Variants in ZC2HC1B observed in about 807,000 individuals in gnomAD.
The protein encoded by ZC2HC1B is zinc finger C2HC-type containing 1B.
ZC2HC1B carries 36 observed loss-of-function variants against 31.0 expected under a neutral mutation model. That is an observed-to-expected ratio of 1.16 (90% CI 0.89 to 1.54). ZC2HC1B has a LOEUF of 1.54. Among genes scored for constraint, ZC2HC1B ranks in the 40% most tolerant of loss-of-function variants. The probability of loss-of-function intolerance (pLI) is 0.00; values close to 1 mark genes in which losing one functional copy is unlikely to be tolerated. For synonymous variants in ZC2HC1B, 73 were observed against 88.0 expected (o/e 0.83, Z 0.95); for missense variants, 260 against 268.6 (o/e 0.97, Z 0.22).
chr6:143,877,966 A>G (rs1777426858), intron 1 of ZC2HC1B, among the ~76,000 whole-genome samples: 1 of 150,874 alleles, frequency 6.6e-6, no homozygotes, highest in Non-Finnish European at 1.5e-5. Flanking sequence ...TATTCATGAA[A>G]TTAATCACTA....
In ZC2HC1B at chr6:143,887,903, A is replaced by G. The variant is rs1465309787; in HGVS notation, c.349+1082A>G. Among the ~76,000 whole-genome samples the G allele has an allele frequency of 1.3e-5, 2 of 152,068 alleles. No homozygotes were observed. The highest frequency in any genetic ancestry group is 2.4e-5 in the African/African-American group (1 of 41,442). On this transcript the variant is annotated intron_variant, in intron 4 of 7. Coordinates refer to ENST00000237275, the MANE Select transcript of ZC2HC1B (RefSeq NM_001013623.3). The surrounding 1 kb of genome is among the most constrained non-coding windows in gnomAD (Gnocchi z 5.1). ...CTCTTGATAATAGCCTTTAATACAC[A>G]AAAGTTTTTCATTTTGATGATGTCC... is the stretch of plus-strand genomic sequence containing the variant.
rs367757140 is a variant in ZC2HC1B, at chr6:143,921,938, TAAAAA to T, written c.599-15707_599-15703del. Among the ~76,000 whole-genome samples the T allele has an allele frequency of 1.6e-3, 244 of 152,018 alleles. 2 individuals are homozygous for T. The highest frequency in any genetic ancestry group is 5.8e-3 in the African/African-American group (240 of 41,438). ...GGTGACAAAGTAAGTCCTTTTCTCT[TAAAAA>T]AAATAAAAATAAAGTTGCTAGGGTT... On this transcript the variant is annotated intron_variant, in intron 6 of 7. Coordinates refer to ENST00000237275, the MANE Select transcript of ZC2HC1B (RefSeq NM_001013623.3). This position sits in a 1 kb window ranked among gnomAD's most constrained non-coding sequence, Gnocchi z 6.1.
intron 6 of ZC2HC1B, among the ~76,000 whole-genome samples, chr6:143,925,087 T>A (rs1778018992): frequency 6.6e-6 from 1 of 152,006 alleles, no homozygotes; most frequent in Non-Finnish European, 1.5e-5. Context: ...ACAAGTTTGA[T>A]AGCATTTGGA....
In ZC2HC1B at chr6:143,911,113, T is replaced by C. The variant is rs1777850528; in HGVS notation, c.598+7961T>C. On this transcript the variant is annotated intron_variant, in intron 6 of 7. Coordinates refer to ENST00000237275, the MANE Select transcript of ZC2HC1B (RefSeq NM_001013623.3). This position sits in a 1 kb window ranked among gnomAD's most constrained non-coding sequence, Gnocchi z 4.5. ...GGATTGCAACCCCTGCTTTTTTCAA[T>C]ATTTTCCATTTGCTTGGTAAATTTT... 2.6e-5 allele frequency among the ~76,000 whole-genome samples: 4 copies of C among 152,340 alleles called. No individual in the cohort carries two copies. The South Asian group carries it at 8.3e-4, about 32-fold the overall frequency.
chr6:143,937,656 T>C lies in ZC2HC1B; in HGVS notation c.606T>C (p.Ala202=), dbSNP rs1778194299. 4 of 1,551,044 alleles carry C rather than the reference T, an allele frequency of 2.6e-6. No individual in the cohort carries two copies. In the East Asian group the frequency reaches 9.8e-5, roughly 38 times the overall value. The change falls in exon 7 of 8, where the codon GCT becomes GCC. Residue 202 remains alanine (A), a synonymous_variant. Coordinates refer to ENST00000237275, the MANE Select transcript of ZC2HC1B (RefSeq NM_001013623.3). ...TNEVPTKSGL[A]MDPASGAKLR... ...CTGTTTATGTTTGCAAAGGATTAGC[T>C]ATGGACCCTGCTTCTGGAGCAAAAC...
intron 1 of ZC2HC1B, among the ~76,000 whole-genome samples, chr6:143,878,677 T>A (rs1010513615): frequency 2.9e-5 from 4 of 137,218 alleles, no homozygotes; most frequent in Admixed American, 6.9e-5. Flanking sequence ...AACAGAAACA[T>A]GCATAAAACA....
chr6:143,929,688 G>C (rs1213827218), intron 6 of ZC2HC1B, among the ~76,000 whole-genome samples: 2 of 152,128 alleles, frequency 1.3e-5, no homozygotes, highest in East Asian at 1.9e-4. Context: ...CTGTGAATCT[G>C]TCTGCTCCTG....
chr6:143,927,120 C>T (rs966130683), intron 6 of ZC2HC1B, among the ~76,000 whole-genome samples: 1 of 151,804 alleles, frequency 6.6e-6, no homozygotes, highest in Non-Finnish European at 1.5e-5. Flanking sequence ...TCTTACCGAA[C>T]GAATCCCTTT....
chr6:143,929,316 T>G (rs1461233636), intron 6 of ZC2HC1B, among the ~76,000 whole-genome samples: 4 of 152,232 alleles, frequency 2.6e-5, no homozygotes, highest in African/African-American at 9.6e-5. Flanking sequence ...TATCAAATGC[T>G]TTTTCTAATC....
rs947806625 is a variant in ZC2HC1B, at chr6:143,921,523, A to T, written c.599-16126A>T. On this transcript the variant is annotated intron_variant, in intron 6 of 7. Transcript: ENST00000237275. The surrounding 1 kb of genome is among the most constrained non-coding windows in gnomAD (Gnocchi z 6.1). ...TCTATCATTTCACACTCAAATTATTATCATAGAATAGAATTATCATGTTAA... is the reference window on the plus strand; with the variant it reads ...TCTATCATTTCACACTCAAATTATTTTCATAGAATAGAATTATCATGTTAA... Among the ~76,000 whole-genome samples the T allele has an allele frequency of 3.3e-5, 5 of 152,252 alleles. No individual in the cohort carries two copies. Among genetic ancestry groups the T allele is most frequent in the African/African-American group, 4.8e-5 (2 of 41,470 alleles).
intron 6 of ZC2HC1B, among the ~76,000 whole-genome samples, chr6:143,929,520 A>G (rs1237235391): frequency 6.6e-6 from 1 of 152,100 alleles, no homozygotes; most frequent in Admixed American, 6.5e-5. Context: ...TGTTCATGAA[A>G]GGTATTAGTC....
At chr6:143,888,336 G>T (rs1249438970) in intron 4 of ZC2HC1B, among the ~76,000 whole-genome samples, 1 of 152,000 alleles carries the variant, frequency 6.6e-6, no homozygotes, top group East Asian at 1.9e-4. Context: ...CAGGAAGTTT[G>T]AGTTCTGCAA....
Position 143,903,833 on chromosome 6 carries a change from A to G in ZC2HC1B, c.598+681A>G, listed in dbSNP as rs1046988695. On this transcript the variant is annotated intron_variant, in intron 6 of 7. Coordinates refer to ENST00000237275, the MANE Select transcript of ZC2HC1B (RefSeq NM_001013623.3). The surrounding 1 kb of genome is among the most constrained non-coding windows in gnomAD (Gnocchi z 4.3). ...TAATACCTAAGGCAATGTAAATGCT[A>G]TGTAAGTAGTTGTTATGCTATATTA... 6.6e-6 allele frequency among the ~76,000 whole-genome samples: 1 copy of G among 152,244 alleles called. No homozygotes were observed. Among genetic ancestry groups the G allele is most frequent in the Non-Finnish European group, 1.5e-5 (1 of 68,046 alleles).
rs967831115 is a variant in ZC2HC1B, at chr6:143,923,030, C to G, written c.599-14619C>G. Among the ~76,000 whole-genome samples the G allele has an allele frequency of 6.6e-6, 1 of 152,074 alleles. No homozygotes were observed. The highest frequency in any genetic ancestry group is 2.4e-5 in the African/African-American group (1 of 41,436). On this transcript the variant is annotated intron_variant, in intron 6 of 7. Coordinates refer to ENST00000237275, the MANE Select transcript of ZC2HC1B (RefSeq NM_001013623.3). The surrounding 1 kb of genome is among the most constrained non-coding windows in gnomAD (Gnocchi z 4.8). Reference sequence around the variant, plus strand: ...CCTCACAAGCATCTGTTATTTCTTGCCTTTTTGATAAGAGCCATTCTAACA... The same window carrying G: ...CCTCACAAGCATCTGTTATTTCTTGGCTTTTTGATAAGAGCCATTCTAACA...
rs1052565149 is a variant in ZC2HC1B at position 143,903,370 on chromosome 6, C to T, written c.598+218C>T. On this transcript the variant is annotated intron_variant, in intron 6 of 7. Coordinates refer to ENST00000237275, the MANE Select transcript of ZC2HC1B (RefSeq NM_001013623.3). This position sits in a 1 kb window ranked among gnomAD's most constrained non-coding sequence, Gnocchi z 4.3. The stretch of plus-strand genomic sequence containing the variant: ...ACTTTCACAATGTACAAGTCAAATT[C>T]GATTACTGCAATGGGAGTCTAAACC... 6.6e-6 allele frequency among the ~76,000 whole-genome samples: 1 copy of T among 152,104 alleles called. No homozygotes were observed. Among genetic ancestry groups the T allele is most frequent in the Non-Finnish European group, 1.5e-5 (1 of 68,036 alleles).
rs552268249 is a variant in ZC2HC1B, at chr6:143,911,012, C to T, written c.598+7860C>T. Among the ~76,000 whole-genome samples the T allele has an allele frequency of 6.6e-6, 1 of 152,188 alleles. No individual in the cohort carries two copies. The highest frequency in any genetic ancestry group is 2.1e-4 in the South Asian group (1 of 4,830). On this transcript the variant is annotated intron_variant, in intron 6 of 7. Coordinates refer to ENST00000237275, the MANE Select transcript of ZC2HC1B (RefSeq NM_001013623.3). The surrounding 1 kb of genome is among the most constrained non-coding windows in gnomAD (Gnocchi z 4.5). ...AGGTTATTCACCTGCCTCGGCCTCC[C>T]AAAGTGCTAGGATTACAGGCATGAG...
intron 4 of ZC2HC1B, among the ~76,000 whole-genome samples, chr6:143,890,564 C>A (rs886190189): frequency 6.6e-6 from 1 of 152,098 alleles, no homozygotes; most frequent in African/African-American, 2.4e-5. Context: ...CTGACCACTT[C>A]TATTCAACAC....
At chr6:143,910,065 A>G (rs1777840254) in intron 6 of ZC2HC1B, among the ~76,000 whole-genome samples, 1 of 152,058 alleles carries the variant, frequency 6.6e-6, no homozygotes, top group East Asian at 1.9e-4. Flanking sequence ...TTTCCTCTTA[A>G]CACTGCTTTA....
At position 143,903,346 on chromosome 6, in the gene ZC2HC1B, C is replaced by T. The variant is rs761745013; in HGVS notation, c.598+194C>T. ...TTCTTAATTTATCAGGATTACACAA[C>T]TTTCACAATGTACAAGTCAAATTCG... On this transcript the variant is annotated intron_variant, in intron 6 of 7. Transcript: ENST00000237275. The surrounding 1 kb of genome is among the most constrained non-coding windows in gnomAD (Gnocchi z 4.3). Among the ~76,000 whole-genome samples, 7 of 152,188 alleles carry T rather than the reference C, an allele frequency of 4.6e-5. 1 individual carries two copies. The South Asian group carries it at 1.0e-3, about 23-fold the overall frequency.
Sources: gnomAD v4.1 joint callset for allele counts (sites outside exome capture counted in the v4.1 genomes callset) on GRCh38, gnomAD v4.1.1 for gene constraint, Gnocchi (gnomAD v3.1) non-coding constraint, MANE v1.5 for transcripts, NCBI Gene and HGNC (gene_info 2026-07-23, HGNC 2026-07-21) for gene names.